Variants in C9orf50 observed in about 807,000 individuals in gnomAD.
C9orf50 encodes chromosome 9 open reading frame 50.
In C9orf50, 33 loss-of-function variants were observed where a neutral mutation model predicts 42.5. That is an observed-to-expected ratio of 0.78 (90% CI 0.59 to 1.04). C9orf50 has a LOEUF of 1.04. Among genes scored for constraint, C9orf50 ranks in the 50% least tolerant of loss-of-function variants. The pLI is 0.00. For missense variants in C9orf50, 547 were observed against 594.3 expected, an observed-to-expected ratio of 0.92 and a Z score of 0.83; for synonymous variants, 257 against 273.4, an observed-to-expected ratio of 0.94 and a Z score of 0.59.
At position 129,619,840 on chromosome 9, in the gene C9orf50, G is replaced by A. The variant is rs1588123925; in HGVS notation, c.509-10C>T. 2 of 1,613,530 alleles carry A rather than the reference G, an allele frequency of 1.2e-6. No homozygotes were observed. Among genetic ancestry groups the A allele is most frequent in the Non-Finnish European group, 8.5e-7 (1 of 1,179,554 alleles). On this transcript the variant is annotated splice_polypyrimidine_tract_variant and intron_variant, in intron 1 of 6. Transcript: ENST00000372478. ...TGCGGTGCTGGGGATGCTGGAGCCAGGAGGAAACAGTTGTGAGCCTTGGCT... is the reference window on the plus strand; with the variant it reads ...TGCGGTGCTGGGGATGCTGGAGCCAAGAGGAAACAGTTGTGAGCCTTGGCT...
intron 6 of C9orf50, 116 bp downstream of exon 6, chr9:129,612,991 C>G: frequency 7.3e-7 from 1 of 1,362,352 alleles, no homozygotes; most frequent in South Asian, 1.3e-5. Context: ...TGACTTGGCT[C>G]TCAGGGAGGG....
intron 3 of C9orf50, among the ~76,000 whole-genome samples, chr9:129,618,481 A>T (rs1830499907): frequency 6.6e-6 from 1 of 152,196 alleles, no homozygotes; most frequent in African/African-American, 2.4e-5. Flanking sequence ...AATAGAACTG[A>T]ACTATGAATG....
At position 129,620,017 on chromosome 9, in the gene C9orf50, C is replaced by A. The variant is rs1223901308; in HGVS notation, c.508+50G>T. 1.4e-6 allele frequency: 2 copies of A among 1,459,544 alleles called. No homozygotes were observed. Among genetic ancestry groups the A allele is most frequent in the Non-Finnish European group, 1.8e-6 (2 of 1,101,494 alleles). 90.4% of individuals were successfully genotyped at this position (1,459,544 alleles called of 1,614,324 possible). ...GGGTGCGGGGACACAAGGGACCACC[C>A]CCCACCGGAAATGACTCGGGCCCGC... is the stretch of plus-strand genomic sequence containing the variant. On this transcript the variant is annotated intron_variant, in intron 1 of 6. Coordinates refer to ENST00000372478, the Ensembl canonical transcript of C9orf50. The surrounding 1 kb of genome is among the most constrained non-coding windows in gnomAD (Gnocchi z 5.8).
Position 129,612,457 on chromosome 9 carries a change from A to C in C9orf50, c.1189-3T>G. The C allele has an allele frequency of 6.2e-7, 1 of 1,609,354 alleles. No homozygotes were observed. The highest frequency in any genetic ancestry group is 8.5e-7 in the Non-Finnish European group (1 of 1,178,174). ...ACCCGGTTGGGCAGGAGGGACTCCT[A>C]GAGTGAGACAGAGGACCAGCTGGCT... On this transcript the variant is annotated splice_region_variant and splice_polypyrimidine_tract_variant and intron_variant, in intron 6 of 6. Transcript: ENST00000372478.
exon 4 of C9orf50, chr9:129,615,538 C>T (rs779932522): frequency 5.6e-6 from 9 of 1,610,540 alleles, no homozygotes; most frequent in African/African-American, 1.3e-5. Flanking sequence ...GTCTCGTCAG[C>T]GAATCGCACC....
chr9:129,615,572 G>A (rs1180323214), exon 4 of C9orf50: 7 of 1,609,354 alleles, frequency 4.3e-6, no homozygotes, highest in Non-Finnish European at 5.9e-6. Context: ...GCTGCCTGCA[G>A]GGCCTAGAGC....
Position 129,620,683 on chromosome 9 carries a change from G to T in C9orf50, c.-109C>A. 1 of 1,050,660 alleles carries T rather than the reference G, an allele frequency of 9.5e-7. No homozygotes were observed. The highest frequency in any genetic ancestry group is 1.2e-6 in the Non-Finnish European group (1 of 822,860). 65.1% of individuals were successfully genotyped at this position (1,050,660 alleles called of 1,614,324 possible). A position where few individuals can be genotyped will look rare whatever the true frequency, so the allele number is the denominator to read the frequency against. On this transcript the variant is annotated 5_prime_UTR_variant, in exon 1 of 7. Coordinates refer to ENST00000372478, the Ensembl canonical transcript of C9orf50. This position sits in a 1 kb window ranked among gnomAD's most constrained non-coding sequence, Gnocchi z 5.8. ...CCCAGGCCATAGTGCCCCGGGCGGGGCAGCGCGGTGCGGGGTGAACGCCAC... is the reference window on the plus strand; with the variant it reads ...CCCAGGCCATAGTGCCCCGGGCGGGTCAGCGCGGTGCGGGGTGAACGCCAC...
Position 129,612,427 on chromosome 9 carries a change from G to A in C9orf50, c.1216C>T (p.Gln406Ter), listed in dbSNP as rs374957154. ...GGGCAGCCTTGCTTCAGGACCGACT[G>A]CAGCACCCGGTTGGGCAGGAGGGAC... The change falls in exon 7 of 7, where the codon CAG becomes TAG. Residue 406 changes from glutamine (Q) to a stop codon, truncating the protein, a stop_gained. Coordinates refer to ENST00000372478, the Ensembl canonical transcript of C9orf50. LOFTEE classifies it low-confidence loss of function (END_TRUNC). The A allele has an allele frequency of 4.2e-5, 68 of 1,612,646 alleles. 1 individual carries two copies. In the African/African-American group the frequency reaches 8.7e-4, roughly 21 times the overall value.
intron 6 of C9orf50, 66 bp from the exon 7 acceptor site, chr9:129,612,520 T>G: frequency 7.9e-7 from 1 of 1,264,592 alleles, no homozygotes; most frequent in Non-Finnish European, 1.1e-6. Flanking sequence ...GGGCTCCCAG[T>G]GGGATTCTGT....
Position 129,620,534 on chromosome 9 carries a change from GC to G in C9orf50, c.40del (p.Ala14ArgfsTer22). 6.9e-7 allele frequency: 1 copy of G among 1,442,724 alleles called. No individual in the cohort carries two copies. Among genetic ancestry groups the G allele is most frequent in the Non-Finnish European group, 9.1e-7 (1 of 1,095,286 alleles). The allele number at this position is 1,442,724 out of a possible 1,614,324, so 89.4% of individuals were successfully genotyped here. A position where few individuals can be genotyped will look rare whatever the true frequency, so the allele number is the denominator to read the frequency against. On this transcript the variant is annotated frameshift_variant, in exon 1 of 7. Transcript: ENST00000372478. LOFTEE classifies it high-confidence loss of function. The surrounding 1 kb of genome is among the most constrained non-coding windows in gnomAD (Gnocchi z 5.8). ...TCCGTCGCCAGGGAGCCCCTTGGGC[GC>G]CAGGTCCTGGGCCCCTGGGCGAAGT...
chr9:129,615,759 G>A (rs1335443840), intron 3 of C9orf50, 112 bp from the exon 4 acceptor site: 4 of 1,187,670 alleles, frequency 3.4e-6, no homozygotes, highest in Non-Finnish European at 3.3e-6. Context: ...CACTGGTCTT[G>A]AAGAATGGAT....
Position 129,615,445 on chromosome 9 carries a change from C to T in C9orf50, c.880+39G>A, listed in dbSNP as rs768174059. ...AGCCTCTCTGCCCTCCTGGCTAGAA[C>T]TTTCGGGAGTCTCGAGGCTCCCCAT... On this transcript the variant is annotated intron_variant, in intron 4 of 6. Transcript: ENST00000372478. The T allele has an allele frequency of 3.3e-6, 5 of 1,527,010 alleles. No individual in the cohort carries two copies. In the South Asian group the frequency reaches 3.8e-5, roughly 12 times the overall value. 94.6% of individuals were successfully genotyped at this position (1,527,010 alleles called of 1,614,324 possible). A position where few individuals can be genotyped will look rare whatever the true frequency, so the allele number is the denominator to read the frequency against.
At position 129,613,157 on chromosome 9, in the gene C9orf50, G is replaced by A; in HGVS notation, c.1138C>T (p.Pro380Ser). ...AAGAAGGCTCGGAGGCTGCTTCGCG[G>A]CCTCTGAGCAGCGGCCTTCTTCCAT... The change falls in exon 6 of 7, where the codon CCG (proline) becomes TCG (serine). Residue 380 changes from proline to serine, a missense_variant. By Grantham distance (74) the Pro-to-Ser change is moderately conservative. This residue lies in a region of C9orf50 where 334 missense variants were observed against 323.7 expected (regional missense o/e 1.03). Transcript: ENST00000372478. This position sits in a 1 kb window ranked among gnomAD's most constrained non-coding sequence, Gnocchi z 6.2. 1 of 1,613,788 alleles carries A rather than the reference G, an allele frequency of 6.2e-7. No individual in the cohort carries two copies. The highest frequency in any genetic ancestry group is 8.5e-7 in the Non-Finnish European group (1 of 1,180,012).
rs372791162 is a variant in C9orf50, at chr9:129,613,109, G to C, written c.1186C>G (p.Gln396Glu). 27 of 1,613,714 alleles carry C rather than the reference G, an allele frequency of 1.7e-5. No homozygotes were observed. The highest frequency in any genetic ancestry group is 2.2e-5 in the Non-Finnish European group (26 of 1,180,028). The change falls in exon 6 of 7, where the codon CAG becomes GAG. Residue 396 changes from glutamine to glutamate, a missense_variant and splice_region_variant. Transcript: ENST00000372478. This position sits in a 1 kb window ranked among gnomAD's most constrained non-coding sequence, Gnocchi z 6.2. Reference sequence around the variant, plus strand: ...CAGGAGCAAGACCATTTGCCCACCTGCTCCAGGTTTCTGTGCGGGTCCAAG... The same window carrying C: ...CAGGAGCAAGACCATTTGCCCACCTCCTCCAGGTTTCTGTGCGGGTCCAAG...
At chr9:129,616,855 A>C (rs1227883951) in intron 3 of C9orf50, among the ~76,000 whole-genome samples, 1 of 152,090 alleles carries the variant, frequency 6.6e-6, no homozygotes, top group Non-Finnish European at 1.5e-5. Flanking sequence ...GGCAGATCAA[A>C]AGGTCAAGAG....
chr9:129,617,756 T>A (rs1830465286), intron 3 of C9orf50, among the ~76,000 whole-genome samples: 1 of 152,180 alleles, frequency 6.6e-6, no homozygotes, highest in African/African-American at 2.4e-5. Context: ...CGATCTTGGC[T>A]CACTGCAGCC....
At chr9:129,615,509 G>A in exon 4 of C9orf50, 1 of 1,606,298 alleles carries the variant, frequency 6.2e-7, no homozygotes, top group Non-Finnish European at 8.5e-7. Context: ...CCCAGTAGCG[G>A]AGCGTTGTGT....
rs1404898659 is a variant in C9orf50 at position 129,613,484 on chromosome 9, C to T, written c.994G>A (p.Ala332Thr). Residue 332 changes from alanine to threonine, a missense_variant, in exon 5 of 7, where the codon GCC (alanine) becomes ACC (threonine). This residue lies in a region of C9orf50 where 334 missense variants were observed against 323.7 expected (regional missense o/e 1.03). Transcript: ENST00000372478. The surrounding 1 kb of genome is among the most constrained non-coding windows in gnomAD (Gnocchi z 6.2). ...GAGCTGGCCAGGGTCTCCTCCTTGG[C>T]CCCAGGGTACAGGGCTTTGGGCAAA... 1.9e-6 allele frequency: 3 copies of T among 1,614,152 alleles called. No homozygotes were observed. The highest frequency in any genetic ancestry group is 2.2e-5 in the East Asian group (1 of 44,876).
chr9:129,617,400 C>G (rs530530336), intron 3 of C9orf50, among the ~76,000 whole-genome samples: 1 of 152,342 alleles, frequency 6.6e-6, no homozygotes, highest in African/African-American at 2.4e-5. Flanking sequence ...GCTCTGCCCA[C>G]CTGCCTGAAA....
Sources: allele counts gnomAD v4.1 joint callset (sites outside exome capture counted in the v4.1 genomes callset), GRCh38; gene constraint gnomAD v4.1.1; regional missense constraint gnomAD v4.1.1; non-coding constraint Gnocchi (gnomAD v3.1); transcripts MANE v1.5; gene names NCBI Gene and HGNC (gene_info 2026-07-23, HGNC 2026-07-21).